SYT1: variants seen among roughly 807,000 people sequenced by gnomAD.
The protein encoded by SYT1 is synaptotagmin 1.
In SYT1, 8 loss-of-function variants were observed where a neutral mutation model predicts 44.8. The ratio of observed to expected loss-of-function variants is 0.18; its 90% CI spans 0.10 to 0.32. SYT1 has a LOEUF of 0.32. Among genes scored for constraint, SYT1 ranks in the 10% least tolerant of loss-of-function variants. The probability of loss-of-function intolerance (pLI) is 1.00; values close to 1 mark genes in which losing one functional copy is unlikely to be tolerated. For synonymous variants in SYT1, 154 were observed against 188.8 expected, an observed-to-expected ratio of 0.82 and a Z score of 1.51; for missense variants, 286 against 509.3, an observed-to-expected ratio of 0.56 and a Z score of 4.22.
In SYT1 at chr12:79,088,115, T is replaced by TA. The variant is rs551718706; in HGVS notation, c.-18+40754dup. Among the ~76,000 whole-genome samples, 619 of 152,226 alleles carry TA rather than the reference T, an allele frequency of 4.1e-3. 2 individuals carry two copies. Among genetic ancestry groups the TA allele is most frequent in the Non-Finnish European group, 6.1e-3 (412 of 67,996 alleles). On this transcript the variant is annotated intron_variant, in intron 3 of 10. Transcript: ENST00000261205. The stretch of plus-strand genomic sequence containing the variant: ...TATGGTAAGGAAAAAATGAGATTAA[T>TA]ATGTTATTAACATAGACTAGCATTG...
At chr12:79,108,371 A>C (rs1022133841) in intron 3 of SYT1, among the ~76,000 whole-genome samples, 1 of 152,076 alleles carries the variant, frequency 6.6e-6, no homozygotes, top group African/African-American at 2.4e-5. Flanking sequence ...ATCACTTATA[A>C]TAAAAGTATT....
chr12:78,928,438 C>A (rs1180580809), intron 1 of SYT1, among the ~76,000 whole-genome samples: 1 of 152,094 alleles, frequency 6.6e-6, no homozygotes, highest in Non-Finnish European at 1.5e-5. Flanking sequence ...TCATTCTTAC[C>A]ATAGACATTA....
intron 3 of SYT1, among the ~76,000 whole-genome samples, chr12:79,205,881 A>AT (rs943160534): frequency 1.3e-5 from 2 of 152,066 alleles, no homozygotes; most frequent in South Asian, 2.1e-4. Flanking sequence ...GTTTGTTTAA[A>AT]TTTTTTTTAA....
At chr12:79,331,449 T>C (rs1199698880) in intron 8 of SYT1, among the ~76,000 whole-genome samples, 1 of 152,200 alleles carries the variant, frequency 6.6e-6, no homozygotes, top group Non-Finnish European at 1.5e-5. Context: ...AAATTCAAAA[T>C]ACTGTCCATT....
chr12:79,369,874 A>C (rs1222426099), intron 9 of SYT1, among the ~76,000 whole-genome samples: 1 of 152,216 alleles, frequency 6.6e-6, no homozygotes, highest in African/African-American at 2.4e-5. Context: ...AGTTATTCAA[A>C]CTATGAGAAT....
rs894855400 is a variant in SYT1, at chr12:79,283,894, G to A, written c.167-1893G>A. On this transcript the variant is annotated intron_variant, in intron 4 of 10. Coordinates refer to ENST00000261205, the MANE Select transcript of SYT1 (RefSeq NM_005639.3). The stretch of plus-strand genomic sequence containing the variant: ...GTTAACATCTAGTATCCAGTCATAA[G>A]CCAGAATATTATGCATAGTAAGTAT... Among the ~76,000 whole-genome samples the A allele has an allele frequency of 2.6e-5, 4 of 151,270 alleles. No individual in the cohort carries two copies. In the Admixed American group the frequency reaches 2.6e-4, roughly 10 times the overall value.
chr12:78,970,698 C>G (rs1015199011), intron 1 of SYT1, among the ~76,000 whole-genome samples: 1 of 152,134 alleles, frequency 6.6e-6, no homozygotes, highest in Non-Finnish European at 1.5e-5. Flanking sequence ...TAGCCTTTAG[C>G]ACATACACTA....
chr12:79,321,225 TG>T (rs1312817930), intron 8 of SYT1, among the ~76,000 whole-genome samples: 1 of 152,176 alleles, frequency 6.6e-6, no homozygotes, highest in Non-Finnish European at 1.5e-5. Context: ...AAGGAAGTAA[TG>T]GCCAAAAATT....
chr12:79,175,068 C>T (rs1273226069), intron 3 of SYT1, among the ~76,000 whole-genome samples: 1 of 152,044 alleles, frequency 6.6e-6, no homozygotes, highest in Non-Finnish European at 1.5e-5. Context: ...TACTTCTAAG[C>T]TAATGGAGTT....
At chr12:79,404,912 G>A (rs1398901590) in intron 9 of SYT1, among the ~76,000 whole-genome samples, 2 of 152,140 alleles carry the variant, frequency 1.3e-5, no homozygotes, top group African/African-American at 4.8e-5. Context: ...ACAACCTGGA[G>A]GTTAATACAT....
chr12:79,147,204 T>C (rs1319970506), intron 3 of SYT1, among the ~76,000 whole-genome samples: 3 of 152,196 alleles, frequency 2.0e-5, no homozygotes, highest in African/African-American at 7.2e-5. Context: ...AAACTGAATC[T>C]TTGTAATCAT....
At chr12:79,076,560 C>G (rs1190021637) in intron 3 of SYT1, among the ~76,000 whole-genome samples, 3 of 152,072 alleles carry the variant, frequency 2.0e-5, no homozygotes, top group South Asian at 4.1e-4. Flanking sequence ...AGGTGAAATG[C>G]AATTGTGACC....
chr12:78,933,241 G>A (rs1877853795), intron 1 of SYT1, among the ~76,000 whole-genome samples: 1 of 152,110 alleles, frequency 6.6e-6, no homozygotes, highest in Non-Finnish European at 1.5e-5. Flanking sequence ...GGGCAATCTT[G>A]ACCTCAGTGT....
chr12:79,307,627 T>C (rs1005372995), intron 8 of SYT1, among the ~76,000 whole-genome samples: 1 of 8,100 alleles, frequency 1.2e-4, no homozygotes, highest in Admixed American at 1.5e-3. Flanking sequence ...GGGGTGGGGG[T>C]GGGGGGGCGT....
At chr12:79,111,725 T>C (rs1879021885) in intron 3 of SYT1, among the ~76,000 whole-genome samples, 1 of 151,750 alleles carries the variant, frequency 6.6e-6, no homozygotes, top group Non-Finnish European at 1.5e-5. Flanking sequence ...CTTGTCTAGA[T>C]TCACAAATCC....
chr12:79,340,620 C>A (rs1464717417), intron 8 of SYT1, among the ~76,000 whole-genome samples: 2 of 152,168 alleles, frequency 1.3e-5, no homozygotes. Context: ...CAAACAGGGA[C>A]AATTTGACTT....
intron 4 of SYT1, 77 bp downstream of exon 4, chr12:79,217,762 T>G: frequency 8.2e-7 from 1 of 1,218,016 alleles, no homozygotes; most frequent in Non-Finnish European, 1.1e-6. Flanking sequence ...AAAGTAGAAC[T>G]CCGTTTGATA....
intron 2 of SYT1, among the ~76,000 whole-genome samples, chr12:79,042,658 CT>C (rs1350639821): frequency 1.5e-5 from 2 of 135,092 alleles, no homozygotes; most frequent in East Asian, 4.4e-4. Context: ...TATTTCTTGC[CT>C]TCTGCTAGCT....
intron 9 of SYT1, among the ~76,000 whole-genome samples, chr12:79,420,734 T>C (rs1869057741): frequency 6.6e-6 from 1 of 152,144 alleles, no homozygotes; most frequent in Admixed American, 6.6e-5. Context: ...AGAAGGGCAT[T>C]GCACACTATC....
Sources: allele counts gnomAD v4.1 joint callset (sites outside exome capture counted in the v4.1 genomes callset), GRCh38; gene constraint gnomAD v4.1.1; transcripts MANE v1.5; gene names NCBI Gene and HGNC (gene_info 2026-07-23, HGNC 2026-07-21).